ESR1: variants seen among roughly 807,000 people sequenced by gnomAD.
The protein encoded by ESR1 is estrogen receptor 1.
In ESR1, 12 loss-of-function variants were observed where a neutral mutation model predicts 52.7. The ratio of observed to expected loss-of-function variants is 0.23; its 90% confidence interval spans 0.15 to 0.37. The LOEUF (loss-of-function observed/expected upper bound fraction) is 0.37, where lower values mean the gene tolerates loss of function less well. Among genes scored for constraint, ESR1 ranks in the 10% least tolerant of loss-of-function variants. The probability of loss-of-function intolerance (pLI) is 1.00; values close to 1 mark genes in which losing one functional copy is unlikely to be tolerated. For missense variants in ESR1, 584 were observed against 779.7 expected (o/e 0.75, Z 2.99); for synonymous variants, 305 against 316.8 (o/e 0.96, Z 0.39).
At chr6:151,791,958 A>G (rs1445190918) in intron 2 of ESR1, among the ~76,000 whole-genome samples, 1 of 152,204 alleles carries the variant, frequency 6.6e-6, no homozygotes, top group Admixed American at 6.5e-5. Flanking sequence ...GTTTGGAGGA[A>G]GGTGTTGTTA....
chr6:151,711,407 G>C (rs1272935072), intron 2 of ESR1, among the ~76,000 whole-genome samples: 1 of 151,992 alleles, frequency 6.6e-6, no homozygotes, highest in Admixed American at 6.6e-5. Context: ...ATTTTTAGTA[G>C]AGACGGGGTT....
At chr6:151,759,134 G>T (rs1348874928) in intron 2 of ESR1, among the ~76,000 whole-genome samples, 3 of 151,784 alleles carry the variant, frequency 2.0e-5, no homozygotes, top group Non-Finnish European at 4.4e-5. Flanking sequence ...AATTAGCTGG[G>T]TGTGGTGGTG....
chr6:152,111,377 C>A (rs528111749), intron 6 of ESR1, among the ~76,000 whole-genome samples: 1 of 152,214 alleles, frequency 6.6e-6, no homozygotes, highest in Admixed American at 6.5e-5. Context: ...GACGCTAGGC[C>A]GTTTGCCAAG....
intron 3 of ESR1, among the ~76,000 whole-genome samples, chr6:151,913,087 A>G (rs1675788469): frequency 6.6e-6 from 1 of 152,176 alleles, no homozygotes; most frequent in Non-Finnish European, 1.5e-5. Context: ...AAAGTAAAAT[A>G]AATGAAAAAG....
At chr6:151,712,939 GC>G in intron 2 of ESR1, among the ~76,000 whole-genome samples, 1 of 152,146 alleles carries the variant, frequency 6.6e-6, no homozygotes. Context: ...AATTCTTCCA[GC>G]TTTTGCCCAT....
intron 2 of ESR1, among the ~76,000 whole-genome samples, chr6:151,782,969 C>G (rs903918247): frequency 6.6e-6 from 1 of 152,008 alleles, no homozygotes; most frequent in African/African-American, 2.4e-5. Context: ...ACTGACTGAC[C>G]CCACCACTCT....
chr6:152,034,467 C>G (rs1584930077), intron 5 of ESR1, among the ~76,000 whole-genome samples: 2 of 152,022 alleles, frequency 1.3e-5, no homozygotes, highest in Admixed American at 6.6e-5. Context: ...TTATTTCTGT[C>G]ACTGTGCTGT....
intron 4 of ESR1, among the ~76,000 whole-genome samples, chr6:151,966,284 C>G (rs1215140595): frequency 6.6e-6 from 1 of 152,128 alleles, no homozygotes; most frequent in East Asian, 1.9e-4. Flanking sequence ...TCTTTCATAT[C>G]ACTTGGCATT....
At chr6:151,864,267 A>C (rs1789431727) in intron 2 of ESR1, among the ~76,000 whole-genome samples, 3 of 152,222 alleles carry the variant, frequency 2.0e-5, no homozygotes, top group Admixed American at 2.0e-4. Context: ...CCCATCAACA[A>C]GTGGGTGAAG....
intron 2 of ESR1, among the ~76,000 whole-genome samples, chr6:151,761,036 G>A (rs1489720636): frequency 3.4e-4 from 51 of 151,376 alleles, no homozygotes; most frequent in Admixed American, 3.4e-3. Flanking sequence ...ACTATACATC[G>A]CTCTCTACTA....
chr6:151,679,055 G>C (rs1778360792), intron 1 of ESR1, among the ~76,000 whole-genome samples: 1 of 152,004 alleles, frequency 6.6e-6, no homozygotes, highest in Non-Finnish European at 1.5e-5. Context: ...GACCCTTCTT[G>C]ACATTCAAAA....
chr6:151,891,382 T>C (rs2128367248), intron 3 of ESR1, among the ~76,000 whole-genome samples: 1 of 152,346 alleles, frequency 6.6e-6, no homozygotes, highest in East Asian at 1.9e-4. Flanking sequence ...GTAAGGACTT[T>C]TTCCGTAGAT....
intron 2 of ESR1, among the ~76,000 whole-genome samples, chr6:151,775,823 G>C (rs1043412682): frequency 6.6e-6 from 1 of 152,002 alleles, no homozygotes; most frequent in African/African-American, 2.4e-5. Context: ...AAGAGAAGCA[G>C]AATCTACAGA....
chr6:152,101,591 A>G lies in ESR1; in HGVS notation c.*2625A>G, dbSNP rs569190779. Reference sequence around the variant, plus strand: ...TCTTTGTATTTTTACTTGAAGTGCCACTAATGGACAGCAGATATTTTCTGG... The same window carrying G: ...TCTTTGTATTTTTACTTGAAGTGCCGCTAATGGACAGCAGATATTTTCTGG... On this transcript the variant is annotated 3_prime_UTR_variant, in exon 8 of 8. Transcript: ENST00000206249. 4.3e-6 allele frequency: 1 copy of G among 230,762 alleles called. No homozygotes were observed. The highest frequency in any genetic ancestry group is 6.2e-5 in the East Asian group (1 of 16,202). The allele number at this position is 230,762 out of a possible 1,614,324, so 14.3% of individuals were successfully genotyped here.
chr6:152,008,744 A>G (rs947062842), intron 4 of ESR1, among the ~76,000 whole-genome samples: 4 of 152,072 alleles, frequency 2.6e-5, no homozygotes, highest in Non-Finnish European at 5.9e-5. Flanking sequence ...GGGTGGCAAT[A>G]TTACATATAG....
downstream of ESR1, among the ~76,000 whole-genome samples, chr6:152,103,628 GT>G (rs1324824131): frequency 5.3e-5 from 8 of 152,344 alleles, no homozygotes; most frequent in East Asian, 1.5e-3. Context: ...CATAGTTGCT[GT>G]TTTTTAATGC....
At chr6:151,970,331 C>T (rs1884053) in intron 4 of ESR1, among the ~76,000 whole-genome samples, 77,205 of 151,736 alleles carry the variant, frequency 0.51, 22,724 homozygotes, top group Middle Eastern at 0.7. Flanking sequence ...GCATACAAGA[C>T]AGCATCTCTG....
chr6:151,966,028 A>T (rs766155696), intron 4 of ESR1, among the ~76,000 whole-genome samples: 3 of 152,084 alleles, frequency 2.0e-5, no homozygotes, highest in African/African-American at 4.8e-5. Context: ...GCCTTACCTC[A>T]TCTTTCGTGG....
At chr6:151,671,757 C>A (rs573099394) in intron 1 of ESR1, among the ~76,000 whole-genome samples, 25 of 151,870 alleles carry the variant, frequency 1.6e-4, no homozygotes, top group Non-Finnish European at 2.9e-4. Flanking sequence ...TTTGGGAGGC[C>A]GAGATGGGCA....
Sources: allele counts gnomAD v4.1 joint callset (sites outside exome capture counted in the v4.1 genomes callset), GRCh38; gene constraint gnomAD v4.1.1; transcripts MANE v1.5; gene names NCBI Gene and HGNC (gene_info 2026-07-23, HGNC 2026-07-21).